The following UBFD1 variants were observed in gnomAD, a reference collection of about 807,000 sequenced individuals.
The protein encoded by UBFD1 is ubiquitin domain-containing protein UBFD1.
Under a neutral mutation model 35.1 loss-of-function variants are expected in UBFD1, and 12 were observed. That is an observed-to-expected ratio of 0.34 (90% CI 0.22 to 0.55). UBFD1 has a LOEUF of 0.55. Ranked by LOEUF, UBFD1 falls within the 20% of genes least tolerant of loss-of-function variation. The probability of loss-of-function intolerance (pLI) is 0.89; values close to 1 mark genes in which losing one functional copy is unlikely to be tolerated. For missense variants in UBFD1, 337 were observed against 410.8 expected (o/e 0.82, Z 1.55); for synonymous variants, 178 against 167.6 (o/e 1.06, Z -0.48).
At chr16:23,562,087 C>T (rs190579403) in intron 3 of UBFD1, 119 bp from the exon 4 acceptor site, 22 of 850,780 alleles carry the variant, frequency 2.6e-5, no homozygotes, top group Admixed American at 5.0e-5. Flanking sequence ...CATAGTCTGT[C>T]GTCATTAAAA....
intron 3 of UBFD1, chr16:23,559,990 C>A: frequency 2.0e-6 from 2 of 997,514 alleles, no homozygotes; most frequent in Non-Finnish European, 2.8e-6. Context: ...GAGAAAACTA[C>A]CAGTACTAGA....
At chr16:23,558,321 C>T (rs1965859475) in intron 2 of UBFD1, 42 bp downstream of exon 2, 3 of 1,591,750 alleles carry the variant, frequency 1.9e-6, no homozygotes, top group Non-Finnish European at 2.6e-6. Context: ...CCCACCCCGC[C>T]TCCTGATGGC....
At chr16:23,559,874 T>C in intron 3 of UBFD1, 198 bp downstream of exon 3, 2 of 1,533,066 alleles carry the variant, frequency 1.3e-6, no homozygotes, top group Non-Finnish European at 8.7e-7. Context: ...GGCGGGTCAG[T>C]GTGTCTCAAG....
In UBFD1 at chr16:23,560,003, T is replaced by A. The variant is rs530678978; in HGVS notation, c.564+327T>A. The A allele has an allele frequency of 5.9e-5, 51 of 870,496 alleles. 1 individual carries two copies. The South Asian group carries it at 1.0e-3, about 18-fold the overall frequency. The allele number at this position is 870,496 out of a possible 1,614,324, so 53.9% of individuals were successfully genotyped here. ...CAGAGAAAACTACCAGTACTAGAAG[T>A]AAGCCCTCATTTTGTACAAGTGCTT... is the stretch of plus-strand genomic sequence containing the variant. On this transcript the variant is annotated intron_variant, in intron 3 of 6. Transcript: ENST00000395878.
chr16:23,559,422 T>C (rs537276468), intron 2 of UBFD1, 46 bp from the exon 3 acceptor site: 1 of 1,552,960 alleles, frequency 6.4e-7, no homozygotes, highest in East Asian at 2.3e-5. Flanking sequence ...CATACATTTT[T>C]CTGTCCTTCC....
At chr16:23,561,277 A>G (rs1965929221) in intron 3 of UBFD1, among the ~76,000 whole-genome samples, 1 of 152,230 alleles carries the variant, frequency 6.6e-6, no homozygotes, top group Non-Finnish European at 1.5e-5. Flanking sequence ...GGATTCCACC[A>G]TGCCAGTGAG....
chr16:23,562,679 G>T lies in UBFD1; in HGVS notation c.685G>T (p.Val229Leu). The part of the protein sequence containing the change: ...SGMYNKSGGK[V>L]RLTFKLEQDQ... Reference sequence around the variant, plus strand: ...CATGTACAATAAATCTGGAGGAAAAGTGAGACTCACCTTTAAACTAGAACA... The same window carrying T: ...CATGTACAATAAATCTGGAGGAAAATTGAGACTCACCTTTAAACTAGAACA... Residue 229 changes from valine to leucine, a missense_variant, in exon 5 of 7, where the codon GTG (valine) becomes TTG (leucine). Coordinates refer to ENST00000395878, the MANE Select transcript of UBFD1 (RefSeq NM_019116.3). 6.2e-7 allele frequency: 1 copy of T among 1,614,222 alleles called. No individual in the cohort carries two copies. Among genetic ancestry groups the T allele is most frequent in the Non-Finnish European group, 8.5e-7 (1 of 1,180,046 alleles).
At position 23,559,617 on chromosome 16, in the gene UBFD1, G is replaced by A. The variant is rs754979954; in HGVS notation, c.505G>A (p.Ala169Thr). 16 of 1,614,130 alleles carry A rather than the reference G, an allele frequency of 9.9e-6. No individual in the cohort carries two copies. The Middle Eastern group carries it at 4.9e-4, about 50-fold the overall frequency. ...DVLAVNTPKDAAQQDAKAEEN... is the reference protein window; with the variant it reads ...DVLAVNTPKDTAQQDAKAEEN... Reference sequence around the variant, plus strand: ...TTTAGCAGTAAACACACCCAAAGATGCTGCGCAGCAGGATGCAAAGGCCGA... The same window carrying A: ...TTTAGCAGTAAACACACCCAAAGATACTGCGCAGCAGGATGCAAAGGCCGA... Residue 169 changes from alanine (A) to threonine (T), a missense_variant, in exon 3 of 7, where the codon GCT (alanine) becomes ACT (threonine). This residue lies in a region of UBFD1 where 44 missense variants were observed against 39.2 expected (regional missense o/e 1.12). Transcript: ENST00000395878.
chr16:23,562,946 A>G (rs1323410171), intron 5 of UBFD1, among the ~76,000 whole-genome samples: 2 of 152,214 alleles, frequency 1.3e-5, no homozygotes, highest in African/African-American at 4.8e-5. Context: ...TGATCCACCA[A>G]ACAGTGGCTC....
chr16:23,562,535 T>C, intron 4 of UBFD1, 90 bp from the exon 5 acceptor site: 1 of 1,236,410 alleles, frequency 8.1e-7, no homozygotes. Flanking sequence ...CCCAGTGTGC[T>C]GGGATTACAG....
intron 2 of UBFD1, 52 bp downstream of exon 2, chr16:23,558,331 C>T (rs1212021449): frequency 1.9e-6 from 3 of 1,584,108 alleles, no homozygotes; most frequent in Admixed American, 3.6e-5. Flanking sequence ...CTCCTGATGG[C>T]CCTTGCACCC....
chr16:23,562,131 C>T (rs1289602232), intron 3 of UBFD1, 75 bp from the exon 4 acceptor site: 3 of 1,373,886 alleles, frequency 2.2e-6, no homozygotes, highest in East Asian at 4.6e-5. Flanking sequence ...CTTTCTTCAT[C>T]CTCTCTTTCA....
In UBFD1 at chr16:23,571,765, A is replaced by G. The variant is rs963916402; in HGVS notation, c.*1175A>G. The G allele has an allele frequency of 6.5e-6, 1 of 152,696 alleles. No homozygotes were observed. The highest frequency in any genetic ancestry group is 1.5e-5 in the Non-Finnish European group (1 of 68,048). 9.5% of individuals were successfully genotyped at this position (152,696 alleles called of 1,614,324 possible). The stretch of plus-strand genomic sequence containing the variant: ...GCAGGTTGGCCAGTGTTATTGAACA[A>G]CAAAAATGGGATAAATTGCTTTCAT... On this transcript the variant is annotated 3_prime_UTR_variant, in exon 7 of 7. Coordinates refer to ENST00000395878, the MANE Select transcript of UBFD1 (RefSeq NM_019116.3).
chr16:23,567,184 C>A, intron 6 of UBFD1, 115 bp downstream of exon 6: 2 of 911,078 alleles, frequency 2.2e-6, no homozygotes, highest in Non-Finnish European at 3.4e-6. Flanking sequence ...AGAAGATGCA[C>A]TTTTTTAAGA....
rs1966114490 is a variant in UBFD1, at chr16:23,573,494, C to G, written c.*2904C>G. The G allele has an allele frequency of 6.6e-6, 1 of 152,386 alleles. No individual in the cohort carries two copies. Among genetic ancestry groups the G allele is most frequent in the Non-Finnish European group, 1.5e-5 (1 of 68,040 alleles). The allele number at this position is 152,386 out of a possible 1,614,324, so 9.4% of individuals were successfully genotyped here. A position where few individuals can be genotyped will look rare whatever the true frequency, so the allele number is the denominator to read the frequency against. ...TCAGATCACAGAACACAGACAGACT[C>G]GCGAGTTGCTGGACCTCTTTGGTAT... On this transcript the variant is annotated 3_prime_UTR_variant, in exon 7 of 7. Transcript: ENST00000395878.
chr16:23,567,186 T>G (rs902287623), intron 6 of UBFD1, 117 bp downstream of exon 6: 2 of 890,112 alleles, frequency 2.2e-6, no homozygotes, highest in Non-Finnish European at 3.5e-6. Context: ...AAGATGCACT[T>G]TTTTAAGACC....
chr16:23,561,811 A>G (rs865999254), intron 3 of UBFD1: 2 of 160,840 alleles, frequency 1.2e-5, no homozygotes, highest in African/African-American at 4.9e-5. Context: ...TGGTTTAATC[A>G]TTTCAGTGGT....
chr16:23,561,437 C>T (rs1597038840), intron 3 of UBFD1, among the ~76,000 whole-genome samples: 1 of 152,194 alleles, frequency 6.6e-6, no homozygotes, highest in East Asian at 1.9e-4. Flanking sequence ...GGCATTTGGG[C>T]CAGGCAGGAG....
In UBFD1 at chr16:23,567,021, A is replaced by G; in HGVS notation, c.771A>G (p.Lys257=). The change falls in exon 6 of 7, where the codon AAA becomes AAG. Residue 257 remains lysine, a synonymous_variant. Coordinates refer to ENST00000395878, the MANE Select transcript of UBFD1 (RefSeq NM_019116.3). ...AGAAATTGCCCATGGGCTCCATAAAAAATGTGGTCAGTGAACCTATCGAAG... is the reference window on the plus strand; with the variant it reads ...AGAAATTGCCCATGGGCTCCATAAAGAATGTGGTCAGTGAACCTATCGAAG... ...RTEKLPMGSI[K]NVVSEPIEGH... 6.2e-7 allele frequency: 1 copy of G among 1,614,162 alleles called. No individual in the cohort carries two copies.
Sources: gnomAD v4.1 joint callset for allele counts (sites outside exome capture counted in the v4.1 genomes callset) on GRCh38, gnomAD v4.1.1 for gene constraint, gnomAD v4.1.1 regional missense constraint, MANE v1.5 for transcripts, NCBI Gene and HGNC (gene_info 2026-07-23, HGNC 2026-07-21) for gene names.